Variants in RBFOX1 observed in about 807,000 individuals in gnomAD.
RBFOX1 encodes RNA binding fox-1 homolog 1.
Under a neutral mutation model 57.7 loss-of-function variants are expected in RBFOX1, and 8 were observed. The ratio of observed to expected loss-of-function variants is 0.14; its 90% confidence interval spans 0.08 to 0.25. The LOEUF (loss-of-function observed/expected upper bound fraction) is 0.25. Among genes scored for constraint, RBFOX1 ranks in the 10% least tolerant of loss-of-function variants. The pLI, the probability that RBFOX1 is intolerant of heterozygous loss-of-function variation, is 1.00. For missense variants in RBFOX1, 611 were observed against 548.5 expected (o/e 1.11, Z -1.14); for synonymous variants, 326 against 222.4 (o/e 1.47, Z -4.15).
At chr16:7,661,218 G>C (rs2067636823) in intron 12 of RBFOX1, among the ~76,000 whole-genome samples, 2 of 152,180 alleles carry the variant, frequency 1.3e-5, no homozygotes, top group Admixed American at 1.3e-4. Context: ...CCTAAAGATA[G>C]ATCACTCGTC....
intron 4 of RBFOX1, among the ~76,000 whole-genome samples, chr16:7,154,210 A>G (rs2076644201): frequency 6.6e-6 from 1 of 152,222 alleles, no homozygotes; most frequent in Non-Finnish European, 1.5e-5. Flanking sequence ...AATAACCAGG[A>G]TCATGTTACT....
intron 1 of RBFOX1, among the ~76,000 whole-genome samples, chr16:5,293,409 C>T (rs541288999): frequency 6.6e-6 from 1 of 152,256 alleles, no homozygotes; most frequent in South Asian, 2.1e-4. Context: ...GTCCCTCCTG[C>T]CCTGGCTGTC....
At chr16:7,294,107 T>C (rs1285911337) in intron 4 of RBFOX1, among the ~76,000 whole-genome samples, 1 of 152,154 alleles carries the variant, frequency 6.6e-6, no homozygotes, top group Admixed American at 6.5e-5. Context: ...CAGGTTTGCT[T>C]GAGTTTAATC....
chr16:7,416,107 A>T (rs1448560746), intron 4 of RBFOX1, among the ~76,000 whole-genome samples: 1 of 152,036 alleles, frequency 6.6e-6, no homozygotes. Flanking sequence ...ATCTGAAACG[A>T]TTGCTCCCAT....
At chr16:5,732,802 C>T (rs1663359810) in intron 3 of RBFOX1, among the ~76,000 whole-genome samples, 1 of 152,156 alleles carries the variant, frequency 6.6e-6, no homozygotes, top group African/African-American at 2.4e-5. Context: ...GGCTTGTTCT[C>T]TGCCCTCATG....
At chr16:6,166,211 A>G (rs1457763723) in intron 1 of RBFOX1, among the ~76,000 whole-genome samples, 1 of 152,154 alleles carries the variant, frequency 6.6e-6, no homozygotes, top group Non-Finnish European at 1.5e-5. Context: ...ACCTATTGCT[A>G]AAACGTCTTC....
rs150651591 is a variant in RBFOX1, at chr16:5,993,980, A to C, written c.351+126645A>C. 4.2e-3 allele frequency among the ~76,000 whole-genome samples: 632 copies of C among 152,256 alleles called. 5 individuals are homozygous for C. The highest frequency in any genetic ancestry group is 0.014 in the African/African-American group (579 of 41,548). On this transcript the variant is annotated intron_variant, in intron 4 of 19. Coordinates refer to the RBFOX1 transcript ENST00000641259. ...TTTGCTGCTGGGGATGTTGGCACGT[A>C]TGGGACGGTTCCTCTGAAAGCATGA...
chr16:5,299,265 G>A lies in RBFOX1; in HGVS notation c.219+59160G>A, dbSNP rs74003858. 1.3e-3 allele frequency among the ~76,000 whole-genome samples: 196 copies of A among 151,736 alleles called. 1 individual carries two copies. Among genetic ancestry groups the A allele is most frequent in the African/African-American group, 3.2e-3 (132 of 41,378 alleles). On this transcript the variant is annotated intron_variant, in intron 1 of 2. Transcript: ENST00000585867. ...TCCATACTGTGTATATCAGTGGTTC[G>A]TTCTTTTTTTTGTCACATCTAGTTG...
intron 4 of RBFOX1, among the ~76,000 whole-genome samples, chr16:7,427,988 C>G (rs557727297): frequency 6.6e-6 from 1 of 152,166 alleles, no homozygotes; most frequent in Non-Finnish European, 1.5e-5. Flanking sequence ...TATCAGATAT[C>G]TTTTTACATT....
chr16:5,788,748 C>T (rs576931299), intron 3 of RBFOX1, among the ~76,000 whole-genome samples: 55 of 151,954 alleles, frequency 3.6e-4, no homozygotes, highest in Admixed American at 1.0e-3. Context: ...TACACATTCA[C>T]ACACACACAC....
At chr16:6,796,486 A>G (rs138624370) in intron 3 of RBFOX1, among the ~76,000 whole-genome samples, 1 of 152,212 alleles carries the variant, frequency 6.6e-6, no homozygotes, top group East Asian at 1.9e-4. Context: ...ATCATTTTCC[A>G]TTTTCAATAA....
chr16:7,071,059 A>G lies in RBFOX1; in HGVS notation c.27+18961A>G, dbSNP rs1281764676. On this transcript the variant is annotated intron_variant, in intron 4 of 15. Transcript: ENST00000550418. ...TCAAAAAACAGCATAGCCCTTCACA[A>G]GCCTATCTTTACTCAAAGCCTGAGA... is the stretch of plus-strand genomic sequence containing the variant. Among the ~76,000 whole-genome samples, 7 of 152,210 alleles carry G rather than the reference A, an allele frequency of 4.6e-5. 1 individual carries two copies. Among genetic ancestry groups the G allele is most frequent in the African/African-American group, 1.7e-4 (7 of 41,444 alleles).
chr16:5,499,721 C>T (rs765409741), intron 2 of RBFOX1, among the ~76,000 whole-genome samples: 9 of 152,074 alleles, frequency 5.9e-5, no homozygotes, highest in African/African-American at 4.8e-5. Flanking sequence ...TACAGGTGCC[C>T]ACCACCACGC....
Position 7,689,705 on chromosome 16 carries a change from G to A in RBFOX1, c.995+12867G>A, listed in dbSNP as rs553375028. On this transcript the variant is annotated intron_variant, in intron 14 of 15. Coordinates refer to ENST00000550418, the MANE Select transcript of RBFOX1 (RefSeq NM_018723.4). Reference sequence around the variant, plus strand: ...GGAATGGGAAAATACAGAAGTAGGGGCCAACTCAAAGAAAAATGGAAAAAC... The same window carrying A: ...GGAATGGGAAAATACAGAAGTAGGGACCAACTCAAAGAAAAATGGAAAAAC... Among the ~76,000 whole-genome samples, 32 of 152,062 alleles carry A rather than the reference G, an allele frequency of 2.1e-4. 2 individuals carry two copies. The South Asian group carries it at 6.2e-3, about 30-fold the overall frequency.
intron 3 of RBFOX1, among the ~76,000 whole-genome samples, chr16:6,999,976 G>A (rs1235033869): frequency 6.6e-6 from 1 of 151,656 alleles, no homozygotes; most frequent in Non-Finnish European, 1.5e-5. Context: ...AGAGGCTGAG[G>A]CAGGAGAATT....
intron 1 of RBFOX1, among the ~76,000 whole-genome samples, chr16:5,248,239 A>C (rs1415118601): frequency 1.3e-5 from 2 of 152,264 alleles, no homozygotes; most frequent in African/African-American, 4.8e-5. Context: ...CCCAAGTTTT[A>C]TAATGTCTAA....
intron 3 of RBFOX1, among the ~76,000 whole-genome samples, chr16:6,723,499 C>T (rs1348863694): frequency 6.6e-6 from 1 of 152,168 alleles, no homozygotes; most frequent in African/African-American, 2.4e-5. Context: ...AAAAATAATA[C>T]AATTATAGAT....
At position 5,287,991 on chromosome 16, in the gene RBFOX1, G is replaced by A. The variant is rs1207358585; in HGVS notation, c.219+47886G>A. Among the ~76,000 whole-genome samples, 3 of 152,190 alleles carry A rather than the reference G, an allele frequency of 2.0e-5. No homozygotes were observed. In the East Asian group the frequency reaches 5.8e-4, roughly 29 times the overall value. ...CACTTTTGCCTGAATGCTTCTGGCT[G>A]CAGCCCAGGCAATGGGGGCCTGACT... is the stretch of plus-strand genomic sequence containing the variant. On this transcript the variant is annotated intron_variant, in intron 1 of 2. Coordinates refer to the RBFOX1 transcript ENST00000585867.
chr16:7,237,703 T>C (rs1042832885), intron 4 of RBFOX1, among the ~76,000 whole-genome samples: 11 of 152,148 alleles, frequency 7.2e-5, no homozygotes, highest in African/African-American at 2.7e-4. Context: ...TATTCAGCCT[T>C]AGAAATGAAG....
Sources: allele counts gnomAD v4.1 joint callset (sites outside exome capture counted in the v4.1 genomes callset), GRCh38; gene constraint gnomAD v4.1.1; transcripts MANE v1.5; gene names NCBI Gene and HGNC (gene_info 2026-07-23, HGNC 2026-07-21).